Variants in ADA observed in about 807,000 individuals in gnomAD.
ADA encodes the protein adenosine aminohydrolase.
A neutral mutation model predicts 49.0 loss-of-function variants in ADA; 45 were observed. The ratio of observed to expected loss-of-function variants is 0.92; its 90% confidence interval spans 0.72 to 1.18. The LOEUF (loss-of-function observed/expected upper bound fraction) is 1.18. Among genes scored for constraint, ADA ranks in the 50% most tolerant of loss-of-function variants. The pLI is 0.00. For synonymous variants in ADA, 173 were observed against 184.2 expected (o/e 0.94, Z 0.49); for missense variants, 445 against 472.5 (o/e 0.94, Z 0.54).
At chr20:44,649,880 C>T (rs1056250442) in intron 1 of ADA, among the ~76,000 whole-genome samples, 45 of 152,028 alleles carry the variant, frequency 3.0e-4, no homozygotes, top group Admixed American at 2.2e-3. Context: ...GGACTACAGG[C>T]GCCCGCCACC....
intron 1 of ADA, among the ~76,000 whole-genome samples, chr20:44,643,915 T>C (rs2065562316): frequency 6.6e-6 from 1 of 151,920 alleles, no homozygotes; most frequent in South Asian, 2.1e-4. Context: ...TCTCAAGAGA[T>C]GCGTGCCAGA....
intron 1 of ADA, among the ~76,000 whole-genome samples, chr20:44,648,457 TACAGGGGTATAGGG>T (rs1331694382): frequency 2.0e-5 from 3 of 152,054 alleles, no homozygotes; most frequent in African/African-American, 7.3e-5. Context: ...ACACTGACCA[TACAGGGGTATAGGG>T]ACCGAGGCCC....
chr20:44,642,312 C>T (rs2065543802), intron 1 of ADA, among the ~76,000 whole-genome samples: 1 of 152,190 alleles, frequency 6.6e-6, no homozygotes, highest in Non-Finnish European at 1.5e-5. Flanking sequence ...GCCTCTCCTG[C>T]CTCAGAATGA....
chr20:44,632,263 G>A (rs1310245787), intron 2 of ADA, among the ~76,000 whole-genome samples: 2 of 152,168 alleles, frequency 1.3e-5, no homozygotes, highest in Admixed American at 6.5e-5. Context: ...GTGGCTGGAG[G>A]TCAGAGAGCA....
At chr20:44,643,790 A>G (rs1481395078) in intron 1 of ADA, among the ~76,000 whole-genome samples, 1 of 152,166 alleles carries the variant, frequency 6.6e-6, no homozygotes, top group Non-Finnish European at 1.5e-5. Context: ...ACAGCAGGAA[A>G]TCCTCCCAGC....
chr20:44,619,793 G>A lies in ADA; in HGVS notation c.*41C>T. 1 of 1,613,806 alleles carries A rather than the reference G, an allele frequency of 6.2e-7. No homozygotes were observed. Among genetic ancestry groups the A allele is most frequent in the Non-Finnish European group, 8.5e-7 (1 of 1,179,690 alleles). On this transcript the variant is annotated 3_prime_UTR_variant, in exon 12 of 12. Transcript: ENST00000372874. ...AAATGTTGCTCAGCCCCACAGAGTT[G>A]GGGTGACTCCACAGGGTGAAGGCTT... is the stretch of plus-strand genomic sequence containing the variant.
chr20:44,648,489 T>C (rs1030186727), intron 1 of ADA, among the ~76,000 whole-genome samples: 3 of 152,042 alleles, frequency 2.0e-5, no homozygotes, highest in Non-Finnish European at 2.9e-5. Context: ...CCCTTTGTTT[T>C]GGGTTAAATG....
At chr20:44,624,969 G>C (rs1481516483) in intron 5 of ADA, among the ~76,000 whole-genome samples, 1 of 152,262 alleles carries the variant, frequency 6.6e-6, no homozygotes, top group Non-Finnish European at 1.5e-5. Flanking sequence ...CTGCTGCGAG[G>C]ATTAGAGGAA....
At chr20:44,629,565 C>T (rs1450707805) in intron 2 of ADA, among the ~76,000 whole-genome samples, 1 of 152,184 alleles carries the variant, frequency 6.6e-6, no homozygotes, top group Non-Finnish European at 1.5e-5. Context: ...CCAGCTGGTC[C>T]TATGCCCAGT....
rs567196517 is a variant in ADA at position 44,646,675 on chromosome 20, G to A, written c.33+4900C>T. ...AGGGGGAAGCTGAGTTTCAGGAGTT[G>A]TCTACCTGAGGTACCCTAGCTGCTA... is the stretch of plus-strand genomic sequence containing the variant. On this transcript the variant is annotated intron_variant, in intron 1 of 11. Coordinates refer to ENST00000372874, the MANE Select transcript of ADA (RefSeq NM_000022.4). Among the ~76,000 whole-genome samples, 412 of 152,140 alleles carry A rather than the reference G, an allele frequency of 2.7e-3. 3 individuals carry two copies. The highest frequency in any genetic ancestry group is 4.2e-3 in the Non-Finnish European group (283 of 68,032).
chr20:44,630,237 C>G lies in ADA; in HGVS notation c.96-1068G>C, dbSNP rs1403189090. 2.6e-5 allele frequency among the ~76,000 whole-genome samples: 4 copies of G among 151,652 alleles called. No homozygotes were observed. The East Asian group carries it at 7.8e-4, about 29-fold the overall frequency. ...GTGTGTGCCTGTAATCCCAGCTACT[C>G]AGGAGGCTGAGGCAGGAGAATCACT... On this transcript the variant is annotated intron_variant, in intron 2 of 11. Transcript: ENST00000372874.
At chr20:44,636,894 C>T (rs1462228669) in intron 1 of ADA, among the ~76,000 whole-genome samples, 1 of 152,164 alleles carries the variant, frequency 6.6e-6, no homozygotes. Flanking sequence ...CAACCTCCAC[C>T]TCCTGGGTTC....
intron 5 of ADA, among the ~76,000 whole-genome samples, chr20:44,625,139 T>C (rs1025009591): frequency 6.6e-6 from 1 of 152,146 alleles, no homozygotes; most frequent in East Asian, 1.9e-4. Flanking sequence ...CTGTGCACCA[T>C]GAGGCACAAA....
intron 5 of ADA, among the ~76,000 whole-genome samples, 171 bp from the exon 6 acceptor site, chr20:44,624,500 C>T (rs1460308041): frequency 6.6e-6 from 1 of 152,266 alleles, no homozygotes; most frequent in Non-Finnish European, 1.5e-5. Flanking sequence ...CGGAAAACTG[C>T]TCTGCTTATG....
At chr20:44,622,705 C>T (rs904398666) in intron 8 of ADA, 53 bp from the exon 9 acceptor site, 13 of 1,613,244 alleles carry the variant, frequency 8.1e-6, no homozygotes, top group East Asian at 2.2e-5. Context: ...ATGCTGATTC[C>T]TCCCCCCATG....
rs374812597 is a variant in ADA, at chr20:44,622,656, G to C, written c.781-4C>G. Reference sequence around the variant, plus strand: ...GGTAGCTGGACCAGGGGCAGATCTGGAAGAGCAGGTGTGTGGCTGGCAGGG... The same window carrying C: ...GGTAGCTGGACCAGGGGCAGATCTGCAAGAGCAGGTGTGTGGCTGGCAGGG... On this transcript the variant is annotated splice_region_variant and splice_polypyrimidine_tract_variant and intron_variant, in intron 8 of 11. Coordinates refer to ENST00000372874, the MANE Select transcript of ADA (RefSeq NM_000022.4). The C allele has an allele frequency of 1.2e-6, 2 of 1,614,082 alleles. No individual in the cohort carries two copies. Among genetic ancestry groups the C allele is most frequent in the Non-Finnish European group, 1.7e-6 (2 of 1,180,036 alleles).
chr20:44,641,294 C>T (rs1334075617), intron 1 of ADA, among the ~76,000 whole-genome samples: 1 of 151,938 alleles, frequency 6.6e-6, no homozygotes, highest in Non-Finnish European at 1.5e-5. Flanking sequence ...TAAAAAAACA[C>T]GTAGTCAAGA....
Position 44,620,421 on chromosome 20 carries a change from AGAC to A in ADA, c.976-23_976-21del, listed in dbSNP as rs2065318414. The A allele has an allele frequency of 5.0e-6, 8 of 1,598,960 alleles. No homozygotes were observed. The highest frequency in any genetic ancestry group is 6.0e-6 in the Non-Finnish European group (7 of 1,166,226). On this transcript the variant is annotated intron_variant, in intron 10 of 11. Coordinates refer to ENST00000372874, the MANE Select transcript of ADA (RefSeq NM_000022.4). Reference sequence around the variant, plus strand: ...GATGTTCTGGAAAGGCCAGAATGGCAGACAACATGGAACCAGAGAACAAAGAAG... The same window carrying A: ...GATGTTCTGGAAAGGCCAGAATGGCAAACATGGAACCAGAGAACAAAGAAG...
At chr20:44,622,701 A>G (rs754172068) in intron 8 of ADA, 49 bp from the exon 9 acceptor site, 8 of 1,613,208 alleles carry the variant, frequency 5.0e-6, no homozygotes, top group Non-Finnish European at 6.8e-6. Context: ...GGCCATGCTG[A>G]TTCCTCCCCC....
Sources: gnomAD v4.1 joint callset for allele counts (sites outside exome capture counted in the v4.1 genomes callset) on GRCh38, gnomAD v4.1.1 for gene constraint, MANE v1.5 for transcripts, NCBI Gene and HGNC (gene_info 2026-07-23, HGNC 2026-07-21) for gene names.